The following SBNO1 variants were observed in gnomAD, a reference collection of about 807,000 sequenced individuals.
The protein encoded by SBNO1 is strawberry notch homolog 1, also known as protein strawberry notch homolog 1.
Under a neutral mutation model 173.6 loss-of-function variants are expected in SBNO1, and 23 were observed. The ratio of observed to expected loss-of-function variants is 0.13; its 90% CI spans 0.10 to 0.19. The LOEUF (loss-of-function observed/expected upper bound fraction) is 0.19, where lower values mean the gene tolerates loss of function less well. Ranked by LOEUF, SBNO1 falls within the 10% of genes least tolerant of loss-of-function variation. SBNO1 has a pLI of 1.00. For missense variants in SBNO1, 1,238 were observed against 1,671.2 expected (o/e 0.74, Z 4.52); for synonymous variants, 632 against 571.5 (o/e 1.11, Z -1.51).
chr12:123,362,370 A>T (rs1480590870), intron 1 of SBNO1, among the ~76,000 whole-genome samples: 1 of 117,884 alleles, frequency 8.5e-6, no homozygotes, highest in African/African-American at 3.3e-5. Flanking sequence ...CGGGAGGCGG[A>T]GCTTGCAGTG....
chr12:123,298,054 A>G lies in SBNO1; in HGVS notation c.3963T>C (p.Val1321=). The G allele has an allele frequency of 6.2e-7, 1 of 1,613,990 alleles. No homozygotes were observed. The highest frequency in any genetic ancestry group is 8.5e-7 in the Non-Finnish European group (1 of 1,179,994). The change falls in exon 31 of 32, where the codon GTT becomes GTC. Residue 1321 remains valine, a synonymous_variant. Transcript: ENST00000602398. The part of the protein sequence containing the change: ...VLSVWTKVEG[V]LASVSGTNVK... ...CGTTTGTGCCACTGACAGATGCTAG[A>G]ACACCCTCAACTTTTGTCCAGACAC...
At chr12:123,320,064 G>T (rs761754791) in intron 19 of SBNO1, 33 bp from the exon 20 acceptor site, 1 of 1,612,666 alleles carries the variant, frequency 6.2e-7, no homozygotes, top group Admixed American at 1.7e-5. Flanking sequence ...TACAATGAAG[G>T]TATCTGACTG....
rs757795269 is a variant in SBNO1 at position 123,326,206 on chromosome 12, T to G, written c.1821A>C (p.Ala607=). Reference sequence around the variant, plus strand: ...GTTGCACAACCCTTTTAACTTTGGATGCTATGCATAAGTATTTGAAGAACC... The same window carrying G: ...GTTGCACAACCCTTTTAACTTTGGAGGCTATGCATAAGTATTTGAAGAACC... ...HQRFFKYLCI[A]SKVKRVVQLA... Residue 607 remains alanine (A), a synonymous_variant, in exon 14 of 32, where the codon GCA becomes GCC. Transcript: ENST00000602398. 9.9e-6 allele frequency: 16 copies of G among 1,612,724 alleles called. No homozygotes were observed. The highest frequency in any genetic ancestry group is 1.4e-5 in the Non-Finnish European group (16 of 1,179,170).
chr12:123,313,638 G>C lies in SBNO1; in HGVS notation c.3202C>G (p.Pro1068Ala). 1 of 1,572,340 alleles carries C rather than the reference G, an allele frequency of 6.4e-7. No homozygotes were observed. Among genetic ancestry groups the C allele is most frequent in the Non-Finnish European group, 8.7e-7 (1 of 1,144,702 alleles). Residue 1068 changes from proline (P) to alanine (A), a missense_variant, in exon 24 of 32, where the codon CCT becomes GCT. Pro to Ala is a conservative substitution (Grantham distance 27). This residue lies in a region of SBNO1 where 351 missense variants were observed against 420.3 expected (regional missense o/e 0.84). Coordinates refer to ENST00000602398, the MANE Select transcript of SBNO1 (RefSeq NM_001167856.3). ...SPMVSPPPDY[P>A]GEFFKDVRQG... is the part of the protein sequence containing the mutation. ...AAGTTACCTTTAAAAAATTCTCCAG[G>C]ATAGTCTGGAGGTGGTGATACCATA...
intron 25 of SBNO1, among the ~76,000 whole-genome samples, chr12:123,310,726 G>A (rs934000937): frequency 3.3e-5 from 5 of 151,174 alleles, no homozygotes; most frequent in Non-Finnish European, 5.9e-5. Flanking sequence ...GTAGAGATGG[G>A]GTTTCATCAT....
At chr12:123,334,573 T>G (rs1871609115) in intron 6 of SBNO1, among the ~76,000 whole-genome samples, 1 of 152,146 alleles carries the variant, frequency 6.6e-6, no homozygotes, top group South Asian at 2.1e-4. Context: ...CTGGGCATGT[T>G]GGCACGCGCC....
intron 20 of SBNO1, among the ~76,000 whole-genome samples, chr12:123,318,558 C>A (rs892838203): frequency 1.3e-5 from 2 of 151,772 alleles, no homozygotes; most frequent in Admixed American, 1.3e-4. Context: ...TATGGTGAAA[C>A]CTGTCTCTAT....
At chr12:123,357,229 T>C (rs1271993860) in intron 1 of SBNO1, among the ~76,000 whole-genome samples, 7 of 151,060 alleles carry the variant, frequency 4.6e-5, no homozygotes, top group Admixed American at 6.6e-5. Flanking sequence ...GGCAGATCAC[T>C]TGAGGTCAGG....
At chr12:123,350,483 G>C in intron 1 of SBNO1, 42 bp from the exon 2 acceptor site, 1 of 1,498,902 alleles carries the variant, frequency 6.7e-7, no homozygotes, top group Non-Finnish European at 9.3e-7. Context: ...AAAACAAAAA[G>C]TGACAAATAT....
At chr12:123,330,727 G>C (rs779409417) in intron 8 of SBNO1, among the ~76,000 whole-genome samples, 2 of 152,008 alleles carry the variant, frequency 1.3e-5, no homozygotes, top group Non-Finnish European at 2.9e-5. Flanking sequence ...CTTGAGCCCA[G>C]GAGTTCGAGA....
intron 1 of SBNO1, among the ~76,000 whole-genome samples, chr12:123,361,104 C>T (rs534321409): frequency 1.3e-5 from 2 of 152,226 alleles, no homozygotes; most frequent in East Asian, 1.9e-4. Context: ...ATTAGCTGGG[C>T]GTGGTGGCAC....
At chr12:123,342,993 G>A (rs1185176605) in intron 4 of SBNO1, among the ~76,000 whole-genome samples, 1 of 152,204 alleles carries the variant, frequency 6.6e-6, no homozygotes, top group Non-Finnish European at 1.5e-5. Context: ...TGTAATCCCA[G>A]AACTTTGGGA....
intron 4 of SBNO1, among the ~76,000 whole-genome samples, chr12:123,343,537 C>CTTTTTTTTTT (rs58841947): frequency 7.4e-6 from 1 of 135,490 alleles, no homozygotes. Flanking sequence ...CACTTACCAT[C>CTTTTTTTTTT]TTTTTTTTTT....
In SBNO1 at chr12:123,364,716, C is replaced by T. The variant is rs1337169065; in HGVS notation, c.-16G>A. ...AAGGACTTACTTTCCCCGCGGGACC[C>T]GGCGCCAGCACAGCTCCTCCCGGGA... On this transcript the variant is annotated 5_prime_UTR_variant, in exon 1 of 32. Transcript: ENST00000602398. 18 of 985,880 alleles carry T rather than the reference C, an allele frequency of 1.8e-5. No homozygotes were observed. Among genetic ancestry groups the T allele is most frequent in the Non-Finnish European group, 2.2e-5 (18 of 830,154 alleles). 61.1% of individuals were successfully genotyped at this position (985,880 alleles called of 1,614,324 possible). A position where few individuals can be genotyped will look rare whatever the true frequency, so the allele number is the denominator to read the frequency against.
intron 1 of SBNO1, among the ~76,000 whole-genome samples, chr12:123,358,530 G>A (rs2139100822): frequency 6.6e-6 from 1 of 151,918 alleles, no homozygotes; most frequent in African/African-American, 2.4e-5. Flanking sequence ...GAGGCAGGTG[G>A]ATCATGAGGT....
At position 123,290,245 on chromosome 12, in the gene SBNO1, A is replaced by C. The variant is rs1469978915; in HGVS notation, c.*5663T>G. ...ATGCACACTGGAGGCAATCTGTGAC[A>C]GGCCCCAATTCACGACAAATTTAGT... On this transcript the variant is annotated 3_prime_UTR_variant, in exon 32 of 32. Coordinates refer to ENST00000602398, the MANE Select transcript of SBNO1 (RefSeq NM_001167856.3). The C allele has an allele frequency of 6.6e-6, 1 of 152,268 alleles. No homozygotes were observed. The highest frequency in any genetic ancestry group is 1.5e-5 in the Non-Finnish European group (1 of 68,076). The allele number at this position is 152,268 out of a possible 1,614,324, so 9.4% of individuals were successfully genotyped here. A position where few individuals can be genotyped will look rare whatever the true frequency, so the allele number is the denominator to read the frequency against.
In SBNO1 at chr12:123,315,404, C is replaced by T; in HGVS notation, c.3089G>A (p.Arg1030Lys). 2 of 1,613,254 alleles carry T rather than the reference C, an allele frequency of 1.2e-6. No homozygotes were observed. Among genetic ancestry groups the T allele is most frequent in the East Asian group, 2.2e-5 (1 of 44,872 alleles). Residue 1030 changes from arginine (R) to lysine (K), a missense_variant, in exon 23 of 32, where the codon AGA becomes AAA. Around this residue, in one of 14 missense-constraint regions of SBNO1, gnomAD observed 39 missense variants for 129.7 expected, o/e 0.30. Transcript: ENST00000602398. ...ATCAAAGTTGAACCTGCTCAGATCT[C>T]TAGATTCTGTTGCCCTTCTATCACC... ...THGDRRATES[R>K]DLSRFNFDNK...
Position 123,364,759 on chromosome 12 carries a change from C to A in SBNO1, c.-59G>T, listed in dbSNP as rs1875952461. On this transcript the variant is annotated 5_prime_UTR_variant, in exon 1 of 32. Transcript: ENST00000602398. ...TCCCGGGAGGTGTGAGTTTGAAGGA[C>A]CAGAGGCGACTGGAGCGGAGGCGGC... 1 of 989,362 alleles carries A rather than the reference C, an allele frequency of 1.0e-6. No homozygotes were observed. The highest frequency in any genetic ancestry group is 4.5e-5 in the South Asian group (1 of 22,096). 61.3% of individuals were successfully genotyped at this position (989,362 alleles called of 1,614,324 possible). A position where few individuals can be genotyped will look rare whatever the true frequency, so the allele number is the denominator to read the frequency against.
chr12:123,323,119 C>T (rs955502432), intron 16 of SBNO1, among the ~76,000 whole-genome samples: 1 of 152,106 alleles, frequency 6.6e-6, no homozygotes, highest in Admixed American at 6.5e-5. Flanking sequence ...TGGACCTCTG[C>T]CAGGTTATAT....
Sources: gnomAD v4.1 joint callset for allele counts (sites outside exome capture counted in the v4.1 genomes callset) on GRCh38, gnomAD v4.1.1 for gene constraint, gnomAD v4.1.1 regional missense constraint, MANE v1.5 for transcripts, NCBI Gene and HGNC (gene_info 2026-07-23, HGNC 2026-07-21) for gene names.